The following TMEM132D variants were observed in gnomAD, a reference collection of about 807,000 sequenced individuals.
TMEM132D encodes the protein mature OL transmembrane protein.
TMEM132D carries 21 observed loss-of-function variants against 62.3 expected under a neutral mutation model. That is an observed-to-expected ratio of 0.34 (90% CI 0.24 to 0.49). The LOEUF is 0.49. Ranked by LOEUF, TMEM132D falls within the 20% of genes least tolerant of loss-of-function variation. The pLI is 0.99. For synonymous variants in TMEM132D, 621 were observed against 575.6 expected (o/e 1.08, Z -1.13); for missense variants, 1,346 against 1,402.8 (o/e 0.96, Z 0.65).
At chr12:129,196,605 G>A (rs970449949) in intron 5 of TMEM132D, among the ~76,000 whole-genome samples, 3 of 152,118 alleles carry the variant, frequency 2.0e-5, no homozygotes, top group African/African-American at 4.8e-5. Context: ...CCTGGGAGGA[G>A]TATCTTGTGT....
chr12:129,603,531 C>G (rs1311208548), intron 2 of TMEM132D, among the ~76,000 whole-genome samples: 1 of 152,096 alleles, frequency 6.6e-6, no homozygotes, highest in Non-Finnish European at 1.5e-5. Flanking sequence ...GACTTCTCAA[C>G]AGAAGACATT....
intron 3 of TMEM132D, among the ~76,000 whole-genome samples, chr12:129,453,789 A>G (rs1038423399): frequency 4.6e-5 from 7 of 151,848 alleles, no homozygotes; most frequent in Non-Finnish European, 1.0e-4. Context: ...TCCTACGTTG[A>G]CTCTTTGCCT....
intron 4 of TMEM132D, among the ~76,000 whole-genome samples, chr12:129,284,032 G>A (rs1041926559): frequency 2.6e-5 from 4 of 152,270 alleles, no homozygotes; most frequent in Non-Finnish European, 4.4e-5. Context: ...CCACGTGGGA[G>A]GCACCTGATG....
rs140851612 is a variant in TMEM132D, at chr12:129,089,506, T to C, written c.1444-4804A>G. On this transcript the variant is annotated intron_variant, in intron 5 of 8. Transcript: ENST00000422113. ...GTGTCCTCCATGACCGGGTGTCCTC[T>C]ATGACCGGGTGTCCTCCATGACCGG... Among the ~76,000 whole-genome samples, 73 of 35,404 alleles carry C rather than the reference T, an allele frequency of 2.1e-3. 11 individuals carry two copies. The highest frequency in any genetic ancestry group is 7.9e-3 in the East Asian group (3 of 382). The allele number at this position is 35,404 out of a possible 152,430, so 23.2% of individuals were successfully genotyped here.
intron 1 of TMEM132D, among the ~76,000 whole-genome samples, chr12:129,851,437 T>C (rs931244039): frequency 6.6e-6 from 1 of 152,156 alleles, no homozygotes; most frequent in African/African-American, 2.4e-5. Context: ...ACAATGTTGA[T>C]TAAATTGTAC....
intron 1 of TMEM132D, among the ~76,000 whole-genome samples, chr12:129,859,635 G>A (rs978760667): frequency 3.9e-5 from 6 of 152,160 alleles, no homozygotes; most frequent in East Asian, 1.9e-4. Flanking sequence ...AGCTGCCAAC[G>A]CGGCTAGAAA....
intron 3 of TMEM132D, among the ~76,000 whole-genome samples, chr12:129,382,052 CTG>C (rs1273607159): frequency 2.0e-5 from 3 of 152,214 alleles, no homozygotes; most frequent in Non-Finnish European, 4.4e-5. Flanking sequence ...CTTTAAAAAA[CTG>C]TTGCTGGTGG....
rs1873200036 is a variant in TMEM132D, at chr12:129,449,381, C to A, written c.1115+81678G>T. Among the ~76,000 whole-genome samples, 7 of 152,316 alleles carry A rather than the reference C, an allele frequency of 4.6e-5. 1 individual carries two copies. In the South Asian group the frequency reaches 1.5e-3, roughly 32 times the overall value. Reference sequence around the variant, plus strand: ...AATTAAGGAATGAGTAACCAACCAGCTCAGCTTCTAATCACCGTGCAGAGT... The same window carrying A: ...AATTAAGGAATGAGTAACCAACCAGATCAGCTTCTAATCACCGTGCAGAGT... On this transcript the variant is annotated intron_variant, in intron 3 of 8. Transcript: ENST00000422113.
At chr12:129,635,714 G>T (rs983144776) in intron 2 of TMEM132D, among the ~76,000 whole-genome samples, 2 of 152,194 alleles carry the variant, frequency 1.3e-5, no homozygotes, top group African/African-American at 4.8e-5. Context: ...AAATAGTATT[G>T]AGGAAAAGAG....
At chr12:129,611,035 A>G (rs1878761191) in intron 2 of TMEM132D, among the ~76,000 whole-genome samples, 1 of 152,180 alleles carries the variant, frequency 6.6e-6, no homozygotes, top group African/African-American at 2.4e-5. Context: ...CAGGAATCCA[A>G]AAAAATCTAT....
At chr12:129,563,821 T>G (rs1360952559) in intron 2 of TMEM132D, among the ~76,000 whole-genome samples, 1 of 151,982 alleles carries the variant, frequency 6.6e-6, no homozygotes, top group Non-Finnish European at 1.5e-5. Flanking sequence ...TAATAATATT[T>G]AAAAAATACT....
intron 3 of TMEM132D, among the ~76,000 whole-genome samples, chr12:129,522,290 A>C (rs1193029587): frequency 6.6e-6 from 1 of 152,202 alleles, no homozygotes; most frequent in Admixed American, 6.5e-5. Context: ...AAGAAACAAC[A>C]CTTAGAATGA....
intron 3 of TMEM132D, among the ~76,000 whole-genome samples, chr12:129,505,887 C>A (rs1426099729): frequency 6.6e-6 from 1 of 152,156 alleles, no homozygotes; most frequent in Admixed American, 6.5e-5. Context: ...TCTTTTTCCA[C>A]CCCTCTACCT....
At chr12:129,123,287 T>C (rs1401323229) in intron 5 of TMEM132D, among the ~76,000 whole-genome samples, 1 of 152,254 alleles carries the variant, frequency 6.6e-6, no homozygotes, top group Admixed American at 6.5e-5. Flanking sequence ...TATTTTATGA[T>C]GCTTATAGAA....
chr12:129,085,739 C>A (rs1874596537), intron 5 of TMEM132D: 1 of 152,216 alleles, frequency 6.6e-6, no homozygotes, highest in South Asian at 2.1e-4. Context: ...GGATTTAGCC[C>A]CAGAAGTCTG....
At chr12:129,539,217 G>C (rs1219351351) in intron 2 of TMEM132D, among the ~76,000 whole-genome samples, 1 of 148,552 alleles carries the variant, frequency 6.7e-6, no homozygotes, top group Non-Finnish European at 1.5e-5. Context: ...TAAAACTCGT[G>C]AAATGTTTAT....
chr12:129,259,428 G>C (rs1362940310), intron 4 of TMEM132D, among the ~76,000 whole-genome samples: 1 of 152,104 alleles, frequency 6.6e-6, no homozygotes, highest in Non-Finnish European at 1.5e-5. Context: ...AAATAAGCTT[G>C]GTATGTTAGG....
At chr12:129,891,514 C>T (rs1469490129) in intron 1 of TMEM132D, among the ~76,000 whole-genome samples, 1 of 152,170 alleles carries the variant, frequency 6.6e-6, no homozygotes, top group Non-Finnish European at 1.5e-5. Flanking sequence ...TCAGGTTCAG[C>T]GGACTGGACA....
intron 7 of TMEM132D, among the ~76,000 whole-genome samples, chr12:129,079,858 C>T (rs535859864): frequency 1.3e-4 from 20 of 152,140 alleles, no homozygotes; most frequent in African/African-American, 4.3e-4. Flanking sequence ...AACCAAGGCT[C>T]GCAGGAGTAG....
Sources: allele counts gnomAD v4.1 joint callset (sites outside exome capture counted in the v4.1 genomes callset), GRCh38; gene constraint gnomAD v4.1.1; transcripts MANE v1.5; gene names NCBI Gene and HGNC (gene_info 2026-07-23, HGNC 2026-07-21).